The following SLC5A8 variants were observed in gnomAD, a reference collection of about 807,000 sequenced individuals.
SLC5A8 encodes sodium-coupled monocarboxylate transporter 1.
In SLC5A8, 55 loss-of-function variants were observed where a neutral mutation model predicts 71.9. The observed-to-expected ratio is 0.77, with a 90% CI of 0.62 to 0.96. SLC5A8 has a LOEUF of 0.96. Among genes scored for constraint, SLC5A8 ranks in the 40% least tolerant of loss-of-function variants. SLC5A8 has a pLI of 0.00. For missense variants in SLC5A8, 701 were observed against 745.3 expected (o/e 0.94, Z 0.69); for synonymous variants, 307 against 276.1 (o/e 1.11, Z -1.11).
rs558433966 is a variant in SLC5A8, at chr12:101,165,363, C to G, written c.1526+1131G>C. Reference sequence around the variant, plus strand: ...GAAAACGCTAAGCAAAATCATAAAACAAGAAGAACATCCTGTGTCTTCTCA... The same window carrying G: ...GAAAACGCTAAGCAAAATCATAAAAGAAGAAGAACATCCTGTGTCTTCTCA... On this transcript the variant is annotated intron_variant, in intron 12 of 14. Coordinates refer to ENST00000536262, the MANE Select transcript of SLC5A8 (RefSeq NM_145913.5). Among the ~76,000 whole-genome samples the G allele has an allele frequency of 3.3e-5, 5 of 152,214 alleles. No individual in the cohort carries two copies. The South Asian group carries it at 6.2e-4, about 19-fold the overall frequency.
chr12:101,178,705 T>A (rs1054369113), intron 10 of SLC5A8, among the ~76,000 whole-genome samples: 1 of 152,034 alleles, frequency 6.6e-6, no homozygotes, highest in Non-Finnish European at 1.5e-5. Context: ...CTAAAACTCT[T>A]TGAAAAGAAA....
intron 12 of SLC5A8, 127 bp from the exon 13 acceptor site, chr12:101,162,204 C>T (rs1167857708): frequency 1.6e-6 from 1 of 637,664 alleles, no homozygotes; most frequent in African/African-American, 1.8e-5. Context: ...TCATAACCTG[C>T]TGTCCTAATT....
intron 10 of SLC5A8, among the ~76,000 whole-genome samples, chr12:101,177,955 C>T (rs2051896301): frequency 6.6e-6 from 1 of 152,072 alleles, no homozygotes; most frequent in Non-Finnish European, 1.5e-5. Context: ...TCGAAGATGA[C>T]AAGACTGTTT....
chr12:101,162,057 C>A lies in SLC5A8; in HGVS notation c.1547G>T (p.Trp516Leu). The change falls in exon 13 of 15, where the codon TGG (tryptophan) becomes TTG (leucine). Residue 516 changes from tryptophan to leucine, a missense_variant. Coordinates refer to ENST00000536262, the MANE Select transcript of SLC5A8 (RefSeq NM_145913.5). ...NVQRTPLMDN[W>L]YSLSYLYFST... ...GAAGTACAGATATGATAAAGAATAC[C>A]AGTTATCCATCAGTGGAGTCCTAAG... 1 of 1,613,364 alleles carries A rather than the reference C, an allele frequency of 6.2e-7. No homozygotes were observed. The highest frequency in any genetic ancestry group is 8.5e-7 in the Non-Finnish European group (1 of 1,179,596).
Position 101,210,188 on chromosome 12 carries a change from C to T in SLC5A8, c.-340G>A. 1 of 285,680 alleles carries T rather than the reference C, an allele frequency of 3.5e-6. No individual in the cohort carries two copies. The highest frequency in any genetic ancestry group is 6.4e-6 in the Non-Finnish European group (1 of 155,564). 17.7% of individuals were successfully genotyped at this position (285,680 alleles called of 1,614,324 possible). A position where few individuals can be genotyped will look rare whatever the true frequency, so the allele number is the denominator to read the frequency against. ...CTGAGCAGATGAGAACTGGAGCCTC[C>T]AGCTGCTTCCAGCGAATCTACACAG... On this transcript the variant is annotated 5_prime_UTR_variant, in exon 1 of 15. Transcript: ENST00000536262.
chr12:101,172,610 T>A (rs1283733603), intron 10 of SLC5A8, among the ~76,000 whole-genome samples: 1 of 151,938 alleles, frequency 6.6e-6, no homozygotes, highest in African/African-American at 2.4e-5. Flanking sequence ...AGGTCCTGTG[T>A]GGTGGGTAGG....
chr12:101,158,137 C>A (rs996246354), intron 14 of SLC5A8, 112 bp downstream of exon 14: 32 of 774,712 alleles, frequency 4.1e-5, no homozygotes, highest in Non-Finnish European at 5.1e-5. Flanking sequence ...TATATAGGGT[C>A]TATACCTTCC....
intron 2 of SLC5A8, among the ~76,000 whole-genome samples, chr12:101,203,674 G>C (rs1869553148): frequency 2.6e-5 from 4 of 152,138 alleles, no homozygotes; most frequent in Non-Finnish European, 5.9e-5. Context: ...TGGAGAAGTG[G>C]AATTGCAATT....
In SLC5A8 at chr12:101,202,199, A is replaced by C; in HGVS notation, c.434T>G (p.Ile145Ser). The C allele has an allele frequency of 6.2e-7, 1 of 1,606,348 alleles. No individual in the cohort carries two copies. The highest frequency in any genetic ancestry group is 1.1e-5 in the South Asian group (1 of 90,474). Residue 145 changes from isoleucine to serine, a missense_variant, in exon 3 of 15, where the codon ATT (isoleucine) becomes AGT (serine). By Grantham distance (142) the Ile-to-Ser change is moderately radical. Transcript: ENST00000536262. Reference sequence around the variant, plus strand: ...AGCCAGGGCAGGGGCATAAATAACAATTCCAGTATACAGAATCTAGGGGGG... The same window carrying C: ...AGCCAGGGCAGGGGCATAAATAACACTTCCAGTATACAGAATCTAGGGGGG... ...FIVQTILYTG[I>S]VIYAPALALN...
chr12:101,194,157 T>C (rs1869056642), intron 4 of SLC5A8, among the ~76,000 whole-genome samples: 1 of 152,188 alleles, frequency 6.6e-6, no homozygotes, highest in Non-Finnish European at 1.5e-5. Flanking sequence ...AATTTTATCC[T>C]ACAGGCAGAG....
intron 12 of SLC5A8, among the ~76,000 whole-genome samples, chr12:101,165,444 C>T (rs2051760148): frequency 6.6e-6 from 1 of 152,056 alleles, no homozygotes; most frequent in Non-Finnish European, 1.5e-5. Context: ...CTCCCAGTCC[C>T]CTCCCATTAG....
chr12:101,171,379 A>G (rs2051828626), intron 10 of SLC5A8, among the ~76,000 whole-genome samples: 2 of 152,120 alleles, frequency 1.3e-5, no homozygotes. Context: ...TCTTATAGCC[A>G]TAATATATCT....
intron 13 of SLC5A8, among the ~76,000 whole-genome samples, chr12:101,160,658 C>T (rs1331417613): frequency 3.3e-5 from 5 of 152,166 alleles, no homozygotes; most frequent in Non-Finnish European, 7.3e-5. Flanking sequence ...GATCTCTCAC[C>T]TGGGTTACTG....
chr12:101,168,508 G>A (rs991926273), intron 10 of SLC5A8, among the ~76,000 whole-genome samples: 1 of 152,166 alleles, frequency 6.6e-6, no homozygotes, highest in African/African-American at 2.4e-5. Flanking sequence ...TGCTCTTGCA[G>A]GTGTTTATAA....
intron 7 of SLC5A8, among the ~76,000 whole-genome samples, chr12:101,184,482 T>A (rs973692188): frequency 3.3e-5 from 5 of 152,226 alleles, no homozygotes; most frequent in Non-Finnish European, 2.9e-5. Flanking sequence ...TTTCCTCATC[T>A]ATAGAATAGT....
chr12:101,177,709 A>G (rs985651204), intron 10 of SLC5A8, among the ~76,000 whole-genome samples: 3 of 152,096 alleles, frequency 2.0e-5, no homozygotes, highest in Non-Finnish European at 2.9e-5. Flanking sequence ...TGATCATATA[A>G]ATTGATTACA....
intron 7 of SLC5A8, among the ~76,000 whole-genome samples, chr12:101,184,513 A>G (rs1868535869): frequency 2.0e-5 from 3 of 152,210 alleles, no homozygotes; most frequent in African/African-American, 7.2e-5. Context: ...CTAACCTCAT[A>G]GAGTTGCTGT....
intron 9 of SLC5A8, 90 bp downstream of exon 9, chr12:101,182,713 T>C: frequency 1.2e-6 from 1 of 825,462 alleles, no homozygotes; most frequent in Non-Finnish European, 2.0e-6. Context: ...TCAGAGGTCC[T>C]TCCTCTGTAG....
chr12:101,174,412 G>C (rs1368521247), intron 10 of SLC5A8, among the ~76,000 whole-genome samples: 1 of 152,216 alleles, frequency 6.6e-6, no homozygotes, highest in Admixed American at 6.5e-5. Context: ...CAGGGGGTCA[G>C]ATCATGAACT....
Sources: gnomAD v4.1 joint callset for allele counts (sites outside exome capture counted in the v4.1 genomes callset) on GRCh38, gnomAD v4.1.1 for gene constraint, MANE v1.5 for transcripts, NCBI Gene and HGNC (gene_info 2026-07-23, HGNC 2026-07-21) for gene names.